The following SEMA4B variants were observed in gnomAD, a reference collection of about 807,000 sequenced individuals.
SEMA4B encodes semaphorin-4B.
In SEMA4B, 55 loss-of-function variants were observed where a neutral mutation model predicts 88.1. The observed-to-expected ratio is 0.62, with a 90% CI of 0.50 to 0.78. The LOEUF is 0.78. Ranked by LOEUF, SEMA4B falls within the 30% of genes least tolerant of loss-of-function variation. The pLI, the probability that SEMA4B is intolerant of heterozygous loss-of-function variation, is 0.00. For missense variants in SEMA4B, 1,062 were observed against 1,111.9 expected, an observed-to-expected ratio of 0.96 and a Z score of 0.64; for synonymous variants, 525 against 473.6, an observed-to-expected ratio of 1.11 and a Z score of -1.41.
At chr15:90,210,249 G>A (rs1031894665) in intron 1 of SEMA4B, among the ~76,000 whole-genome samples, 3 of 152,168 alleles carry the variant, frequency 2.0e-5, no homozygotes, top group African/African-American at 4.8e-5. Flanking sequence ...GGAAGGGGGC[G>A]GTGAGGTGGT....
chr15:90,219,956 C>T, intron 4 of SEMA4B, 65 bp downstream of exon 4: 1 of 1,288,184 alleles, frequency 7.8e-7, no homozygotes, highest in East Asian at 2.3e-5. Context: ...CCCCAGGGAT[C>T]CTGTTCTGTA....
intron 12 of SEMA4B, among the ~76,000 whole-genome samples, chr15:90,226,160 T>C (rs374931890): frequency 2.0e-5 from 3 of 152,266 alleles, no homozygotes; most frequent in East Asian, 3.9e-4. Context: ...CCAGTAAAAA[T>C]TGGTTTCAGA....
At chr15:90,221,502 C>A in intron 6 of SEMA4B, 22 bp downstream of exon 6, 1 of 1,604,286 alleles carries the variant, frequency 6.2e-7, no homozygotes, top group Non-Finnish European at 8.5e-7. Context: ...TTGCCACCAC[C>A]CAGAGGGCAG....
Position 90,221,431 on chromosome 15 carries a change from C to T in SEMA4B, c.660C>T (p.Ser220=), listed in dbSNP as rs1961835029. 3 of 1,586,124 alleles carry T rather than the reference C, an allele frequency of 1.9e-6. No individual in the cohort carries two copies. The highest frequency in any genetic ancestry group is 1.1e-5 in the South Asian group (1 of 87,080). Reference sequence around the variant, plus strand: ...GGAATGACCCGGCCATCTCGCGGAGCCAAAGCCTTCGCCCCACCAAGACCG... The same window carrying T: ...GGAATGACCCGGCCATCTCGCGGAGTCAAAGCCTTCGCCCCACCAAGACCG... ...FQGNDPAISR[S]QSLRPTKTES... The change falls in exon 6 of 14, where the codon AGC becomes AGT. Residue 220 remains serine, a synonymous_variant. Coordinates refer to ENST00000411539, the MANE Select transcript of SEMA4B (RefSeq NM_198925.4).
In SEMA4B at chr15:90,217,842, C is replaced by CT. The variant is rs763879454; in HGVS notation, c.384+14dup. 1.7e-5 allele frequency: 28 copies of CT among 1,608,584 alleles called. 2 individuals are homozygous for CT. The South Asian group carries it at 2.9e-4, about 17-fold the overall frequency. On this transcript the variant is annotated intron_variant, in intron 3 of 13. Transcript: ENST00000411539. ...CAAGGACCCACAGGTGAGCCCACAC[C>CT]TGGAAGGGAGCTGAGCTGCAGGAGG...
In SEMA4B at chr15:90,217,828, A is replaced by G. The variant is rs1001670615; in HGVS notation, c.383A>G (p.Gln128Arg). The change falls in exon 3 of 14, where the codon CAG becomes CGG. Residue 128 changes from glutamine to arginine, a missense_variant and splice_region_variant. Coordinates refer to ENST00000411539, the MANE Select transcript of SEMA4B (RefSeq NM_198925.4). Reference protein sequence around the residue: ...QQCSFKGKDPQRDCQNYIKIL... With the variant: ...QQCSFKGKDPRRDCQNYIKIL... ...TGCAGCTTCAAGGGCAAGGACCCAC[A>G]GGTGAGCCCACACCTGGAAGGGAGC... 3 of 1,611,482 alleles carry G rather than the reference A, an allele frequency of 1.9e-6. No individual in the cohort carries two copies. Among genetic ancestry groups the G allele is most frequent in the Admixed American group, 1.7e-5 (1 of 59,654 alleles).
intron 1 of SEMA4B, among the ~76,000 whole-genome samples, chr15:90,188,583 G>C (rs561927039): frequency 6.6e-6 from 1 of 151,756 alleles, no homozygotes; most frequent in Admixed American, 6.6e-5. Flanking sequence ...AGCCGAGATC[G>C]CACCACTGCA....
Position 90,224,493 on chromosome 15 carries a change from G to A in SEMA4B, c.1195-475G>A, listed in dbSNP as rs370363777. Among the ~76,000 whole-genome samples the A allele has an allele frequency of 2.8e-4, 42 of 152,364 alleles. No individual in the cohort carries two copies. In the East Asian group the frequency reaches 7.1e-3, roughly 26 times the overall value. ...GGAGGGAGGGAAACCAAAAGAGGGT[G>A]TGTCAGCACGCTGTTGTTGCTGTGG... is the stretch of plus-strand genomic sequence containing the variant. On this transcript the variant is annotated intron_variant, in intron 9 of 13. Coordinates refer to ENST00000411539, the MANE Select transcript of SEMA4B (RefSeq NM_198925.4).
chr15:90,197,138 G>T (rs1368164335), upstream of SEMA4B, among the ~76,000 whole-genome samples: 1 of 152,100 alleles, frequency 6.6e-6, no homozygotes, highest in African/African-American at 2.4e-5. Flanking sequence ...TGTAATCCCA[G>T]CACTTTGGGA....
At chr15:90,215,042 T>C in intron 1 of SEMA4B, 2 of 1,241,556 alleles carry the variant, frequency 1.6e-6, no homozygotes, top group Non-Finnish European at 2.1e-6. Flanking sequence ...TTCGTGAGAC[T>C]GTTTGTGTGG....
At chr15:90,208,439 A>C (rs1055284536) in intron 1 of SEMA4B, among the ~76,000 whole-genome samples, 14 of 152,314 alleles carry the variant, frequency 9.2e-5, no homozygotes, top group African/African-American at 3.4e-4. Flanking sequence ...TAAAAGTAGA[A>C]GGCAAGAAGC....
upstream of SEMA4B, among the ~76,000 whole-genome samples, chr15:90,197,935 T>G (rs967819567): frequency 6.6e-6 from 1 of 151,002 alleles, no homozygotes; most frequent in Non-Finnish European, 1.5e-5. Flanking sequence ...AATTAATTTT[T>G]TTTTTTTTTG....
Position 90,228,618 on chromosome 15 carries a change from C to T in SEMA4B, c.2489C>T (p.Ser830Leu), listed in dbSNP as rs759611815. The change falls in exon 14 of 14, where the codon TCG becomes TTG. Residue 830 changes from serine to leucine, a missense_variant. By Grantham distance (145) the Ser-to-Leu change is moderately radical (BLOSUM62 -2). Transcript: ENST00000411539. ...CCCCGGCCCCGGGTCCGCCTTGGCT[C>T]GGAGATCCGTGACTCTGTGGTGTGA... Reference protein sequence around the residue: ...VCPRPRVRLGSEIRDSVV With the variant: ...VCPRPRVRLGLEIRDSVV The T allele has an allele frequency of 2.0e-5, 33 of 1,613,278 alleles. No homozygotes were observed. The highest frequency in any genetic ancestry group is 2.0e-4 in the East Asian group (9 of 44,894).
At chr15:90,199,505 G>C (rs1229976435), upstream of SEMA4B, among the ~76,000 whole-genome samples, 1 of 151,946 alleles carries the variant, frequency 6.6e-6, no homozygotes. Flanking sequence ...TGTTGGGCTC[G>C]AGATGGTTTT....
At chr15:90,201,322 C>T, upstream of SEMA4B, 1 of 1,180,636 alleles carries the variant, frequency 8.5e-7, no homozygotes, top group Non-Finnish European at 1.0e-6. Context: ...TCAGCCCCGC[C>T]CTCCGCCGCT....
At chr15:90,209,039 C>T (rs1032339803) in intron 1 of SEMA4B, among the ~76,000 whole-genome samples, 3 of 152,310 alleles carry the variant, frequency 2.0e-5, no homozygotes, top group Admixed American at 6.5e-5. Context: ...GCTTCTCAGA[C>T]ACACTTTTGT....
rs1961575441 is a variant in SEMA4B, at chr15:90,217,276, C to T, written c.158-163C>T. 5 of 607,926 alleles carry T rather than the reference C, an allele frequency of 8.2e-6. No individual in the cohort carries two copies. The Admixed American group carries it at 1.3e-4, about 15-fold the overall frequency. 37.7% of individuals were successfully genotyped at this position (607,926 alleles called of 1,614,324 possible). On this transcript the variant is annotated intron_variant, in intron 1 of 13. Coordinates refer to ENST00000411539, the MANE Select transcript of SEMA4B (RefSeq NM_198925.4). The stretch of plus-strand genomic sequence containing the variant: ...TGTAATGTTTGAGAGTCCAGGAATG[C>T]TGCTCGCCCATCAAACCTGATCCCC...
intron 3 of SEMA4B, chr15:90,218,036 C>G (rs1961622333): frequency 1.9e-6 from 1 of 528,886 alleles, no homozygotes; most frequent in East Asian, 3.3e-5. Context: ...CCTGTCTAAG[C>G]CTTAGTGGGC....
chr15:90,228,093 A>G lies in SEMA4B; in HGVS notation c.1964A>G (p.Gln655Arg), dbSNP rs1397800368. The change falls in exon 14 of 14, where the codon CAG (glutamine) becomes CGG (arginine). Residue 655 changes from glutamine to arginine, a missense_variant. Gln to Arg is a conservative substitution (Grantham distance 43). Coordinates refer to ENST00000411539, the MANE Select transcript of SEMA4B (RefSeq NM_198925.4). ...LVGTQQLGEFQCWSLEEGFQQ... is the reference protein window; with the variant it reads ...LVGTQQLGEFRCWSLEEGFQQ... Reference sequence around the variant, plus strand: ...GGCACCCAACAGCTGGGGGAGTTCCAGTGCTGGTCACTAGAGGAGGGCTTC... The same window carrying G: ...GGCACCCAACAGCTGGGGGAGTTCCGGTGCTGGTCACTAGAGGAGGGCTTC... The G allele has an allele frequency of 6.2e-7, 1 of 1,612,764 alleles. No individual in the cohort carries two copies. The highest frequency in any genetic ancestry group is 8.5e-7 in the Non-Finnish European group (1 of 1,179,356).
Sources: gnomAD v4.1 joint callset for allele counts (sites outside exome capture counted in the v4.1 genomes callset) on GRCh38, gnomAD v4.1.1 for gene constraint, MANE v1.5 for transcripts, NCBI Gene and HGNC (gene_info 2026-07-23, HGNC 2026-07-21) for gene names.